The following TNIP3 variants were observed in gnomAD, a reference collection of about 807,000 sequenced individuals.
TNIP3 encodes TNFAIP3-interacting protein 3.
Under a neutral mutation model 54.1 loss-of-function variants are expected in TNIP3, and 34 were observed. The observed-to-expected ratio is 0.63, with a 90% confidence interval of 0.48 to 0.84. The LOEUF is 0.84. Among genes scored for constraint, TNIP3 ranks in the 40% least tolerant of loss-of-function variants. The pLI is 0.00. For missense variants in TNIP3, 366 were observed against 387.6 expected (o/e 0.94, Z 0.47); for synonymous variants, 134 against 136.8 (o/e 0.98, Z 0.14).
At chr4:121,189,009 A>T (rs1251388427) in intron 2 of TNIP3, among the ~76,000 whole-genome samples, 2 of 152,208 alleles carry the variant, frequency 1.3e-5, no homozygotes, top group Non-Finnish European at 2.9e-5. Flanking sequence ...CCTCATTAGT[A>T]TTGGCAAGTA....
intron 9 of TNIP3, among the ~76,000 whole-genome samples, chr4:121,140,110 C>T (rs950030720): frequency 6.6e-5 from 10 of 151,820 alleles, no homozygotes; most frequent in Admixed American, 3.9e-4. Flanking sequence ...CCAAGGTGGG[C>T]GGATCATGAG....
intron 2 of TNIP3, among the ~76,000 whole-genome samples, chr4:121,209,483 GA>G (rs1052910440): frequency 2.0e-5 from 3 of 152,046 alleles, no homozygotes; most frequent in Non-Finnish European, 2.9e-5. Flanking sequence ...AGAGTTGTGG[GA>G]AAAAAACTAC....
chr4:121,218,487 G>C (rs942094820), upstream of TNIP3, among the ~76,000 whole-genome samples: 1 of 151,930 alleles, frequency 6.6e-6, no homozygotes, highest in Non-Finnish European at 1.5e-5. Context: ...AATATCCCAG[G>C]CATAATTATA....
chr4:121,173,156 C>T (rs1724073953), intron 3 of TNIP3, among the ~76,000 whole-genome samples: 1 of 152,116 alleles, frequency 6.6e-6, no homozygotes, highest in Non-Finnish European at 1.5e-5. Context: ...ACGTAAATAA[C>T]ACACCTAAAA....
At chr4:121,199,419 G>C (rs149649048) in intron 2 of TNIP3, among the ~76,000 whole-genome samples, 19 of 152,240 alleles carry the variant, frequency 1.2e-4, no homozygotes, top group African/African-American at 3.6e-4. Context: ...TATGTTTCTA[G>C]CCCAGAAATA....
chr4:121,184,298 A>G (rs1275360219), intron 2 of TNIP3, among the ~76,000 whole-genome samples: 1 of 152,236 alleles, frequency 6.6e-6, no homozygotes, highest in Non-Finnish European at 1.5e-5. Flanking sequence ...AAATGCCTGT[A>G]TGGCAGAGGT....
At chr4:121,137,773 A>T (rs1375583875) in intron 10 of TNIP3, 2 of 331,652 alleles carry the variant, frequency 6.0e-6, no homozygotes, top group East Asian at 1.6e-4. Flanking sequence ...AATGGCCTGA[A>T]ATTAGACTAC....
intron 2 of TNIP3, among the ~76,000 whole-genome samples, chr4:121,159,188 A>G (rs1266681259): frequency 6.6e-6 from 1 of 152,164 alleles, no homozygotes; most frequent in Non-Finnish European, 1.5e-5. Flanking sequence ...GGTTGCAGTG[A>G]GCCGAGATTG....
chr4:121,182,839 T>G (rs570878361), intron 2 of TNIP3: 6 of 1,530,106 alleles, frequency 3.9e-6, no homozygotes, highest in Non-Finnish European at 8.7e-7. Context: ...ACAAAGGTAA[T>G]TAAAAATTAT....
intron 2 of TNIP3, among the ~76,000 whole-genome samples, chr4:121,187,526 T>G (rs1725083809): frequency 6.6e-6 from 1 of 152,226 alleles, no homozygotes; most frequent in African/African-American, 2.4e-5. Context: ...CTTAGTGACC[T>G]CAGCCATTGT....
chr4:121,173,764 G>A (rs1268881945), intron 3 of TNIP3, among the ~76,000 whole-genome samples: 1 of 152,094 alleles, frequency 6.6e-6, no homozygotes, highest in Admixed American at 6.5e-5. Flanking sequence ...GAGCAGCTGG[G>A]GTTACAGGTG....
At chr4:121,186,451 G>T (rs1725024923) in intron 2 of TNIP3, among the ~76,000 whole-genome samples, 1 of 152,176 alleles carries the variant, frequency 6.6e-6, no homozygotes, top group Non-Finnish European at 1.5e-5. Context: ...CTCAGAACTT[G>T]CATATGAACC....
chr4:121,210,668 G>T (rs1002312048), intron 2 of TNIP3, among the ~76,000 whole-genome samples: 8 of 152,120 alleles, frequency 5.3e-5, no homozygotes. Context: ...TTCAAGGCTT[G>T]CAGTGTGCTC....
intron 1 of TNIP3, among the ~76,000 whole-genome samples, chr4:121,224,153 A>G (rs142846998): frequency 0.026 from 4,026 of 152,320 alleles, 90 homozygotes; most frequent in Non-Finnish European, 0.043. Context: ...ACCTGAGGTC[A>G]GGAGTTTGAG....
At chr4:121,199,881 C>T (rs529543334) in intron 2 of TNIP3, among the ~76,000 whole-genome samples, 3 of 152,240 alleles carry the variant, frequency 2.0e-5, no homozygotes, top group Admixed American at 6.5e-5. Flanking sequence ...GGCTTAGGAG[C>T]GAAGGCTGGG....
Position 121,187,647 on chromosome 4 carries a change from T to A in TNIP3, c.69-4851A>T, listed in dbSNP as rs191125312. On this transcript the variant is annotated intron_variant, in intron 2 of 12. Transcript: ENST00000507879. ...TCTAAAGAAAACAACTATAGGTCCC[T>A]CCAACTGAAATGTAGCTGATTTGTA... Among the ~76,000 whole-genome samples, 472 of 152,310 alleles carry A rather than the reference T, an allele frequency of 3.1e-3. 4 individuals carry two copies. Among genetic ancestry groups the A allele is most frequent in the Admixed American group, 5.9e-3 (90 of 15,300 alleles).
chr4:121,198,937 A>G (rs1725739013), intron 2 of TNIP3, among the ~76,000 whole-genome samples: 1 of 152,206 alleles, frequency 6.6e-6, no homozygotes, highest in Non-Finnish European at 1.5e-5. Flanking sequence ...TGAGAAAGAG[A>G]CTGCCTTTAA....
intron 5 of TNIP3, among the ~76,000 whole-genome samples, chr4:121,151,545 GT>G (rs1370031796): frequency 6.6e-6 from 1 of 151,898 alleles, no homozygotes; most frequent in Non-Finnish European, 1.5e-5. Context: ...AATAATTTAT[GT>G]TTTTTGAGGA....
At chr4:121,219,587 G>A (rs1339964753), upstream of TNIP3, among the ~76,000 whole-genome samples, 4 of 152,160 alleles carry the variant, frequency 2.6e-5, no homozygotes, top group African/African-American at 9.7e-5. Flanking sequence ...TCTGGTGACA[G>A]CTTTTAATAT....
Sources: gnomAD v4.1 joint callset for allele counts (sites outside exome capture counted in the v4.1 genomes callset) on GRCh38, gnomAD v4.1.1 for gene constraint, MANE v1.5 for transcripts, NCBI Gene and HGNC (gene_info 2026-07-23, HGNC 2026-07-21) for gene names.